Variants in CCNY observed in about 807,000 individuals in gnomAD.
CCNY encodes cyclin Y, also known as cyclin-Y.
In CCNY, 19 loss-of-function variants were observed where a neutral mutation model predicts 42.8. The ratio of observed to expected loss-of-function variants is 0.44; its 90% CI spans 0.31 to 0.65. The LOEUF is 0.65. CCNY is among the 30% of genes least tolerant of loss of function. The pLI, the probability that CCNY is intolerant of heterozygous loss-of-function variation, is 0.07. For synonymous variants in CCNY, 165 were observed against 162.7 expected (o/e 1.01, Z -0.11); for missense variants, 370 against 437.3 (o/e 0.85, Z 1.37).
At chr10:35,247,533 C>A (rs2135016863) in intron 1 of CCNY, among the ~76,000 whole-genome samples, 1 of 151,914 alleles carries the variant, frequency 6.6e-6, no homozygotes, top group East Asian at 1.9e-4. Context: ...CTGCAGTGAG[C>A]TAGGATTGCA....
rs148127192 is a variant in CCNY, at chr10:35,426,235, TCACACA to T, written c.155-57156_155-57151del. Among the ~76,000 whole-genome samples the T allele has an allele frequency of 7.1e-5, 10 of 140,930 alleles. No individual in the cohort carries two copies. In the East Asian group the frequency reaches 1.9e-3, roughly 26 times the overall value. The allele number at this position is 140,930 out of a possible 152,430, so 92.5% of individuals were successfully genotyped here. ...CCCATTCACAAGCATACATGCCCAT[TCACACA>T]CACACACACACAAACACACAAACAC... is the stretch of plus-strand genomic sequence containing the variant. On this transcript the variant is annotated intron_variant, in intron 1 of 9. Coordinates refer to ENST00000374704, the MANE Select transcript of CCNY (RefSeq NM_145012.6).
intron 3 of CCNY, among the ~76,000 whole-genome samples, chr10:35,285,503 C>A (rs1835343064): frequency 6.6e-6 from 1 of 152,178 alleles, no homozygotes. Flanking sequence ...CAGCTCACTG[C>A]AGCCTTGACT....
At chr10:35,517,969 G>T (rs1321898949) in intron 4 of CCNY, among the ~76,000 whole-genome samples, 2 of 152,210 alleles carry the variant, frequency 1.3e-5, no homozygotes, top group African/African-American at 2.4e-5. Context: ...GTTGGCTTCT[G>T]CTCAATCTCT....
chr10:35,265,549 C>G (rs375539628), intron 3 of CCNY, among the ~76,000 whole-genome samples: 1 of 152,182 alleles, frequency 6.6e-6, no homozygotes, highest in Non-Finnish European at 1.5e-5. Flanking sequence ...GAGCCCTGTG[C>G]GCTAGGTCTT....
chr10:35,427,655 T>G (rs1264777281), intron 1 of CCNY, among the ~76,000 whole-genome samples: 1 of 152,210 alleles, frequency 6.6e-6, no homozygotes, highest in Non-Finnish European at 1.5e-5. Context: ...GAAGGAAAAT[T>G]TGCTGTGACC....
intron 3 of CCNY, among the ~76,000 whole-genome samples, chr10:35,306,696 CCT>C (rs1835610589): frequency 1.3e-5 from 2 of 152,144 alleles, no homozygotes; most frequent in Admixed American, 1.3e-4. Flanking sequence ...TCCCACATGC[CCT>C]CTCCCCTCCT....
chr10:35,488,164 T>C (rs984827183), intron 2 of CCNY, among the ~76,000 whole-genome samples: 21 of 152,172 alleles, frequency 1.4e-4, no homozygotes, highest in African/African-American at 4.8e-4. Flanking sequence ...AAACTATCCA[T>C]CCCTTGAGTG....
chr10:35,337,359 C>T (rs1589042855), intron 1 of CCNY, 152 bp downstream of exon 1: 1 of 755,720 alleles, frequency 1.3e-6, no homozygotes, highest in Non-Finnish European at 1.9e-6. Context: ...CGCCCGGGGC[C>T]CCGCAGCCTC....
At chr10:35,480,950 C>T (rs1778788218) in intron 1 of CCNY, among the ~76,000 whole-genome samples, 1 of 152,070 alleles carries the variant, frequency 6.6e-6, no homozygotes, top group Non-Finnish European at 1.5e-5. Context: ...TGGGTGACAG[C>T]GCAAGACCCC....
At chr10:35,459,243 C>T (rs905734573) in intron 1 of CCNY, among the ~76,000 whole-genome samples, 11 of 152,316 alleles carry the variant, frequency 7.2e-5, no homozygotes, top group African/African-American at 2.6e-4. Context: ...GCTCCCGGGC[C>T]AGCGCTGCTG....
chr10:35,288,784 G>C lies in CCNY; in HGVS notation c.-9+38158G>C, dbSNP rs1314204358. ...CTTTAATCTCTGTTGGAAATCAATT[G>C]GCCAAATCAATATTCACCAATGTAT... On this transcript the variant is annotated intron_variant, in intron 3 of 11. Transcript: ENST00000374706. 1.4e-4 allele frequency among the ~76,000 whole-genome samples: 21 copies of C among 152,044 alleles called. 1 individual carries two copies. The highest frequency in any genetic ancestry group is 1.4e-3 in the Admixed American group (21 of 15,266).
intron 1 of CCNY, among the ~76,000 whole-genome samples, chr10:35,457,860 G>T (rs986441218): frequency 6.6e-6 from 1 of 152,166 alleles, no homozygotes. Context: ...GATTACAGGC[G>T]TGAGCCACCA....
chr10:35,250,753 T>G (rs1208009358), intron 3 of CCNY: 1 of 152,276 alleles, frequency 6.6e-6, no homozygotes, highest in Non-Finnish European at 1.5e-5. Flanking sequence ...AAGTAACAGG[T>G]TTATGTGTAT....
intron 3 of CCNY, among the ~76,000 whole-genome samples, chr10:35,324,489 A>T (rs1267825640): frequency 1.3e-5 from 2 of 152,248 alleles, no homozygotes; most frequent in Admixed American, 6.5e-5. Context: ...GTAAATCAAC[A>T]CAACAAAATT....
intron 1 of CCNY, among the ~76,000 whole-genome samples, chr10:35,379,082 C>CCA (rs1564389138): frequency 6.6e-6 from 1 of 152,038 alleles, no homozygotes; most frequent in Non-Finnish European, 1.5e-5. Context: ...TGGGATGGAC[C>CCA]CACACAAAGT....
intron 1 of CCNY, among the ~76,000 whole-genome samples, chr10:35,456,227 C>T (rs924591942): frequency 9.9e-5 from 15 of 152,176 alleles, no homozygotes; most frequent in African/African-American, 3.6e-4. Context: ...TCTTCTTGCT[C>T]CCATTGCATC....
At chr10:35,555,584 C>T (rs553717405) in intron 8 of CCNY, among the ~76,000 whole-genome samples, 1 of 152,318 alleles carries the variant, frequency 6.6e-6, no homozygotes, top group African/African-American at 2.4e-5. Flanking sequence ...TACTATTATT[C>T]CCATTTTACA....
chr10:35,437,261 G>A (rs751327375), intron 1 of CCNY, among the ~76,000 whole-genome samples: 3 of 152,230 alleles, frequency 2.0e-5, no homozygotes, highest in Non-Finnish European at 4.4e-5. Context: ...GGATCCTTGA[G>A]AGTCTGATGT....
intron 3 of CCNY, among the ~76,000 whole-genome samples, chr10:35,297,325 C>A (rs1161351051): frequency 1.3e-5 from 2 of 152,072 alleles, no homozygotes; most frequent in Non-Finnish European, 2.9e-5. Context: ...TAAAAACTCT[C>A]AATAAACAAG....
Sources: gnomAD v4.1 joint callset for allele counts (sites outside exome capture counted in the v4.1 genomes callset) on GRCh38, gnomAD v4.1.1 for gene constraint, MANE v1.5 for transcripts, NCBI Gene and HGNC (gene_info 2026-07-23, HGNC 2026-07-21) for gene names.